The following SLC25A3 variants were observed in gnomAD, a reference collection of about 807,000 sequenced individuals.
SLC25A3 encodes the protein phosphate transport protein.
A neutral mutation model predicts 37.1 loss-of-function variants in SLC25A3; 14 were observed. The observed-to-expected ratio is 0.38, with a 90% CI of 0.25 to 0.59. SLC25A3 has a LOEUF of 0.59. SLC25A3 is among the 20% of genes least tolerant of loss of function. The pLI, the probability that SLC25A3 is intolerant of heterozygous loss-of-function variation, is 0.67. For missense variants in SLC25A3, 385 were observed against 458.1 expected (o/e 0.84, Z 1.46); for synonymous variants, 161 against 168.7 (o/e 0.95, Z 0.36).
intron 2 of SLC25A3, chr12:98,595,521 A>G (rs753515709): frequency 6.2e-7 from 1 of 1,614,178 alleles, no homozygotes; most frequent in Non-Finnish European, 8.5e-7. Flanking sequence ...CACATACAGC[A>G]TTGGTTCCTC....
rs1184876713 is a variant in SLC25A3 at position 98,605,421 on chromosome 12, A to G, written c.*3893A>G. ...GAAACCCTGTCTCAAAAAAAAAGTA[A>G]CATTTCTATATGATTTTTGGGATCG... On this transcript the variant is annotated 3_prime_UTR_variant, in exon 8 of 8. Transcript: ENST00000552981. 1 of 150,582 alleles carries G rather than the reference A, an allele frequency of 6.6e-6. No homozygotes were observed. The highest frequency in any genetic ancestry group is 1.5e-5 in the Non-Finnish European group (1 of 67,590). The allele number at this position is 150,582 out of a possible 1,614,324, so 9.3% of individuals were successfully genotyped here.
chr12:98,597,869 A>G lies in SLC25A3; in HGVS notation c.293A>G (p.Lys98Arg), dbSNP rs2097594292. Residue 98 changes from lysine to arginine, a missense_variant, in exon 4 of 8, where the codon AAG becomes AGG. Lys to Arg is a conservative substitution (Grantham distance 26, BLOSUM62 2). This residue lies in a region of SLC25A3 where 276 missense variants were observed against 367.6 expected (regional missense o/e 0.75). Transcript: ENST00000552981. ...VKCRMQVDPQ[K>R]YKGIFNGFSV... ...TTTTAAATAAAGGTGGACCCCCAAA[A>G]GTACAAGGGCATATTTAACGGATTC... The G allele has an allele frequency of 6.2e-7, 1 of 1,613,812 alleles. No homozygotes were observed.
rs943851237 is a variant in SLC25A3, at chr12:98,605,012, C to G, written c.*3484C>G. ...TCCTGAGCTCAAGCGAGCCTTCTGC[C>G]TTGGCCTTCCAAAGGGCTGGGATTA... On this transcript the variant is annotated 3_prime_UTR_variant, in exon 8 of 8. Coordinates refer to ENST00000552981, the MANE Select transcript of SLC25A3 (RefSeq NM_002635.4). The G allele has an allele frequency of 9.2e-5, 14 of 152,276 alleles. No individual in the cohort carries two copies. The highest frequency in any genetic ancestry group is 1.5e-5 in the Non-Finnish European group (1 of 68,070). 9.4% of individuals were successfully genotyped at this position (152,276 alleles called of 1,614,324 possible).
chr12:98,603,412 A>T lies in SLC25A3; in HGVS notation c.*1884A>T, dbSNP rs574540795. 38 of 152,284 alleles carry T rather than the reference A, an allele frequency of 2.5e-4. No homozygotes were observed. The highest frequency in any genetic ancestry group is 9.1e-4 in the African/African-American group (38 of 41,554). The allele number at this position is 152,284 out of a possible 1,614,324, so 9.4% of individuals were successfully genotyped here. Reference sequence around the variant, plus strand: ...GACTTATCCTTCAATGTCACATAACATCACTTTTACCATGCTCTTGGTTAC... The same window carrying T: ...GACTTATCCTTCAATGTCACATAACTTCACTTTTACCATGCTCTTGGTTAC... On this transcript the variant is annotated 3_prime_UTR_variant, in exon 8 of 8. Transcript: ENST00000552981.
chr12:98,599,689 G>T (rs972782374), intron 5 of SLC25A3: 1 of 627,382 alleles, frequency 1.6e-6, no homozygotes. Flanking sequence ...AGTTCCACTT[G>T]TAAACTTCTT....
intron 3 of SLC25A3, 37 bp downstream of exon 3, chr12:98,595,885 A>C: frequency 6.4e-7 from 1 of 1,560,448 alleles, no homozygotes; most frequent in Non-Finnish European, 8.8e-7. Flanking sequence ...AGTATCTCTC[A>C]TGTGACTTAA....
chr12:98,593,951 A>C (rs775312700), intron 1 of SLC25A3, 24 bp from the exon 2 acceptor site: 1 of 1,613,620 alleles, frequency 6.2e-7, no homozygotes, highest in African/African-American at 1.3e-5. Flanking sequence ...CCTGTCCTCT[A>C]ACCGTCGCTC....
In SLC25A3 at chr12:98,594,125, C is replaced by T. The variant is rs370367708; in HGVS notation, c.147C>T (p.Ala49=). The part of the protein sequence containing the change: ...QPRRPRNLAA[A]AVEEYSCEFG... ...GCCGCCCTCGCAACCTGGCAGCCGC[C>T]GCCGTGGAAGGTGAGATCAGACCCT... Residue 49 remains alanine, a synonymous_variant, in exon 2 of 8, where the codon GCC becomes GCT. Coordinates refer to ENST00000552981, the MANE Select transcript of SLC25A3 (RefSeq NM_002635.4). 6.2e-6 allele frequency: 10 copies of T among 1,610,548 alleles called. No homozygotes were observed. In the African/African-American group the frequency reaches 1.3e-4, roughly 22 times the overall value.
At chr12:98,600,266 C>T (rs1024025993) in intron 6 of SLC25A3, 139 bp downstream of exon 6, 3 of 685,474 alleles carry the variant, frequency 4.4e-6, no homozygotes, top group African/African-American at 3.5e-5. Flanking sequence ...GAGGCATAGT[C>T]TCGCTCTGTT....
chr12:98,600,939 G>C, intron 6 of SLC25A3: 1 of 449,906 alleles, frequency 2.2e-6, no homozygotes, highest in Non-Finnish European at 4.0e-6. Flanking sequence ...TTTTTTTGTT[G>C]TTGTTTATTA....
chr12:98,602,170 C>CT lies in SLC25A3; in HGVS notation c.*655dup, dbSNP rs371837590. The CT allele has an allele frequency of 0.021, 3,072 of 146,154 alleles. 33 individuals carry two copies. Among genetic ancestry groups the CT allele is most frequent in the African/African-American group, 0.036 (1,463 of 40,284 alleles). The allele number at this position is 146,154 out of a possible 1,614,324, so 9.1% of individuals were successfully genotyped here. A position where few individuals can be genotyped will look rare whatever the true frequency, so the allele number is the denominator to read the frequency against. On this transcript the variant is annotated 3_prime_UTR_variant, in exon 8 of 8. Coordinates refer to ENST00000552981, the MANE Select transcript of SLC25A3 (RefSeq NM_002635.4). ...ACTAATTCTCTTTACACAGATCTGA[C>CT]TTTTTTTTTTTTTGAGACGGAGTTT...
chr12:98,597,655 C>T (rs2097594105), intron 3 of SLC25A3: 2 of 611,804 alleles, frequency 3.3e-6, no homozygotes, highest in Admixed American at 3.1e-5. Flanking sequence ...AACTCCTGAG[C>T]TCAGGTAATC....
intron 5 of SLC25A3, 125 bp from the exon 6 acceptor site, chr12:98,599,830 A>G (rs1460720277): frequency 2.1e-6 from 2 of 958,936 alleles, no homozygotes; most frequent in Non-Finnish European, 3.4e-6. Flanking sequence ...TAGAAATGAC[A>G]TGCATTTATG....
In SLC25A3 at chr12:98,598,437, G is replaced by A. The variant is rs145321412; in HGVS notation, c.460-85G>A. The stretch of plus-strand genomic sequence containing the variant: ...TGTGTTACTTTATAAAATGTCTGAA[G>A]CTTAGTTGTTTTCTAGAACTGTCAC... On this transcript the variant is annotated intron_variant, in intron 4 of 7. Transcript: ENST00000552981. 1,866 of 1,603,874 alleles carry A rather than the reference G, an allele frequency of 1.2e-3. 17 individuals are homozygous for A. The African/African-American group carries it at 0.02, about 17-fold the overall frequency.
chr12:98,598,452 A>G lies in SLC25A3; in HGVS notation c.460-70A>G, dbSNP rs114538483. 8.2e-4 allele frequency: 1,319 copies of G among 1,610,310 alleles called. 11 individuals carry two copies. In the African/African-American group the frequency reaches 0.016, roughly 20 times the overall value. ...AATGTCTGAAGCTTAGTTGTTTTCT[A>G]GAACTGTCACTTCAATTGAAAACCA... is the stretch of plus-strand genomic sequence containing the variant. On this transcript the variant is annotated intron_variant, in intron 4 of 7. Transcript: ENST00000552981.
chr12:98,597,437 A>G (rs1592976649), intron 3 of SLC25A3: 1 of 154,676 alleles, frequency 6.5e-6, no homozygotes, highest in South Asian at 1.8e-4. Flanking sequence ...TTTGAGATGG[A>G]GTCTTGCTCT....
At chr12:98,594,584 T>C (rs565066363) in intron 2 of SLC25A3, 35 of 570,816 alleles carry the variant, frequency 6.1e-5, no homozygotes, top group Non-Finnish European at 1.0e-4. Flanking sequence ...GTCAGTCATT[T>C]TTGCACTTAA....
chr12:98,593,963 C>T lies in SLC25A3; in HGVS notation c.-4-12C>T, dbSNP rs765902453. On this transcript the variant is annotated splice_polypyrimidine_tract_variant and intron_variant, in intron 1 of 7. Transcript: ENST00000552981. ...TTGCCTGTCCTCTAACCGTCGCTCC[C>T]TCCTCCCCTAGAAAGATGTTCTCGT... 13 of 1,613,912 alleles carry T rather than the reference C, an allele frequency of 8.1e-6. No individual in the cohort carries two copies. Among genetic ancestry groups the T allele is most frequent in the African/African-American group, 1.3e-5 (1 of 75,052 alleles).
chr12:98,601,052 G>T, intron 6 of SLC25A3, 119 bp from the exon 7 acceptor site: 1 of 1,153,140 alleles, frequency 8.7e-7, no homozygotes, highest in Non-Finnish European at 1.2e-6. Flanking sequence ...GTGTCACCCT[G>T]AGTCTGATTT....
Sources: allele counts gnomAD v4.1 joint callset, GRCh38; gene constraint gnomAD v4.1.1; regional missense constraint gnomAD v4.1.1; transcripts MANE v1.5; gene names NCBI Gene and HGNC (gene_info 2026-07-23, HGNC 2026-07-21).